AUTS2: variants seen among roughly 807,000 people sequenced by gnomAD.
The protein encoded by AUTS2 is autism susceptibility gene 2 protein.
In AUTS2, 17 loss-of-function variants were observed where a neutral mutation model predicts 112.4. The observed-to-expected ratio is 0.15, with a 90% CI of 0.10 to 0.23. The LOEUF (loss-of-function observed/expected upper bound fraction) is 0.23. AUTS2 is among the 10% of genes least tolerant of loss of function. The pLI is 1.00. For synonymous variants in AUTS2, 751 were observed against 702.7 expected (o/e 1.07, Z -1.09); for missense variants, 1,510 against 1,701.6 (o/e 0.89, Z 1.98).
chr7:70,609,241 C>T (rs28793096), intron 5 of AUTS2, among the ~76,000 whole-genome samples: 4,324 of 152,206 alleles, frequency 0.028, 213 homozygotes, highest in African/African-American at 0.099. Flanking sequence ...CCCCTGGTAA[C>T]CACCATTCGA....
chr7:70,144,964 CTTA>C (rs1449949071), intron 4 of AUTS2, among the ~76,000 whole-genome samples: 1 of 152,024 alleles, frequency 6.6e-6, no homozygotes, highest in Admixed American at 6.6e-5. Context: ...GTATACTTGG[CTTA>C]TTACTTTAAC....
chr7:70,562,961 G>T (rs995021629), intron 5 of AUTS2, among the ~76,000 whole-genome samples: 1 of 152,180 alleles, frequency 6.6e-6, no homozygotes, highest in Non-Finnish European at 1.5e-5. Context: ...TGCAACGCAG[G>T]ATTTAAAAGC....
At chr7:70,598,676 C>A (rs1313308474) in intron 5 of AUTS2, among the ~76,000 whole-genome samples, 2 of 152,160 alleles carry the variant, frequency 1.3e-5, no homozygotes, top group African/African-American at 4.8e-5. Flanking sequence ...GCTCAGCCTA[C>A]CCCCAGATTC....
chr7:70,544,844 A>G (rs912450219), intron 5 of AUTS2, among the ~76,000 whole-genome samples: 2 of 152,038 alleles, frequency 1.3e-5, no homozygotes, highest in Non-Finnish European at 2.9e-5. Flanking sequence ...TCTCCTTCCC[A>G]TGAAGACGGC....
intron 5 of AUTS2, among the ~76,000 whole-genome samples, chr7:70,441,538 A>G (rs549716967): frequency 6.6e-6 from 1 of 152,198 alleles, no homozygotes; most frequent in Admixed American, 6.5e-5. Flanking sequence ...GGTGTGTACC[A>G]CCATACTCAG....
chr7:69,757,683 GC>G (rs1179929914), intron 1 of AUTS2, among the ~76,000 whole-genome samples: 1 of 152,058 alleles, frequency 6.6e-6, no homozygotes, highest in Admixed American at 6.6e-5. Context: ...ATTACTGTTT[GC>G]CTGCAGTTAT....
At chr7:70,512,027 GT>G (rs1158642230) in intron 5 of AUTS2, among the ~76,000 whole-genome samples, 2 of 152,208 alleles carry the variant, frequency 1.3e-5, no homozygotes, top group African/African-American at 4.8e-5. Context: ...AGTCCAGAGA[GT>G]CAAGAAAGCA....
intron 2 of AUTS2, among the ~76,000 whole-genome samples, chr7:69,911,829 T>C (rs1795371892): frequency 6.6e-6 from 1 of 152,078 alleles, no homozygotes; most frequent in South Asian, 2.1e-4. Context: ...ATCAATGAAG[T>C]CTTCACTCTG....
chr7:69,614,875 A>G (rs761321916), intron 1 of AUTS2, among the ~76,000 whole-genome samples: 1 of 152,232 alleles, frequency 6.6e-6, no homozygotes, highest in Non-Finnish European at 1.5e-5. Flanking sequence ...AACTGTCTCA[A>G]TAAACACAAT....
chr7:70,488,035 C>T lies in AUTS2; in HGVS notation c.690+52254C>T, dbSNP rs562863249. 5.9e-5 allele frequency among the ~76,000 whole-genome samples: 9 copies of T among 152,276 alleles called. No homozygotes were observed. The East Asian group carries it at 1.4e-3, about 23-fold the overall frequency. On this transcript the variant is annotated intron_variant, in intron 5 of 18. Coordinates refer to ENST00000342771, the MANE Select transcript of AUTS2 (RefSeq NM_015570.4). ...AAATGCTGCCTGCTCAGAACGGAGC[C>T]GAGTCCAGAAACACCACGGGCACCG...
chr7:69,619,302 G>T (rs1240027698), intron 1 of AUTS2, among the ~76,000 whole-genome samples: 1 of 152,166 alleles, frequency 6.6e-6, no homozygotes, highest in Non-Finnish European at 1.5e-5. Flanking sequence ...TGAGGCATTA[G>T]AGAGGGGACT....
At chr7:69,869,303 C>T (rs1254638692) in intron 1 of AUTS2, among the ~76,000 whole-genome samples, 1 of 152,024 alleles carries the variant, frequency 6.6e-6, no homozygotes, top group Non-Finnish European at 1.5e-5. Flanking sequence ...ACTCAGGAGC[C>T]CTTCCTGCCA....
chr7:69,872,227 C>G (rs559907296), intron 1 of AUTS2, among the ~76,000 whole-genome samples: 1 of 152,334 alleles, frequency 6.6e-6, no homozygotes, highest in South Asian at 2.1e-4. Context: ...TAAGCTGGGC[C>G]TGATGCCCTG....
At chr7:69,685,836 C>T (rs1211006860) in intron 1 of AUTS2, among the ~76,000 whole-genome samples, 3 of 151,754 alleles carry the variant, frequency 2.0e-5, no homozygotes, top group African/African-American at 4.8e-5. Flanking sequence ...TGAGCCACCA[C>T]ACATGGCCAA....
At chr7:69,697,537 T>C (rs1157115252) in intron 1 of AUTS2, among the ~76,000 whole-genome samples, 1 of 152,162 alleles carries the variant, frequency 6.6e-6, no homozygotes, top group African/African-American at 2.4e-5. Flanking sequence ...CAGTCTGAGC[T>C]TTTTCTCAGA....
chr7:70,025,833 T>C (rs1390057576), intron 2 of AUTS2, among the ~76,000 whole-genome samples: 2 of 149,806 alleles, frequency 1.3e-5, no homozygotes, highest in Non-Finnish European at 3.0e-5. Context: ...TGCTGAAGGA[T>C]GTTAAAAGCA....
chr7:70,285,210 A>G (rs1428390743), intron 4 of AUTS2, among the ~76,000 whole-genome samples: 1 of 152,344 alleles, frequency 6.6e-6, no homozygotes, highest in Non-Finnish European at 1.5e-5. Flanking sequence ...ATAAATTAGT[A>G]AATTCCCATT....
intron 5 of AUTS2, among the ~76,000 whole-genome samples, chr7:70,513,666 C>CTTTTTTTTTT (rs35815016): frequency 7.1e-6 from 1 of 140,428 alleles, no homozygotes. Context: ...TTTCTGTTTC[C>CTTTTTTTTTT]TTTTTTTTTT....
chr7:70,347,877 A>G (rs994534219), intron 4 of AUTS2, among the ~76,000 whole-genome samples: 6 of 152,200 alleles, frequency 3.9e-5, no homozygotes, highest in Admixed American at 1.3e-4. Flanking sequence ...AGAGGACTGT[A>G]TCCTTAAACC....
Sources: gnomAD v4.1 joint callset for allele counts (sites outside exome capture counted in the v4.1 genomes callset) on GRCh38, gnomAD v4.1.1 for gene constraint, MANE v1.5 for transcripts, NCBI Gene and HGNC (gene_info 2026-07-23, HGNC 2026-07-21) for gene names.